NIPAL2: variants seen among roughly 807,000 people sequenced by gnomAD.
NIPAL2 encodes NIPA-like protein 2.
Under a neutral mutation model 48.9 loss-of-function variants are expected in NIPAL2, and 43 were observed. The observed-to-expected ratio is 0.88, with a 90% confidence interval of 0.69 to 1.13. NIPAL2 has a LOEUF of 1.13. Ranked by LOEUF, NIPAL2 falls within the 50% of genes most tolerant of loss-of-function variation. The pLI is 0.00. For synonymous variants in NIPAL2, 167 were observed against 174.6 expected (o/e 0.96, Z 0.34); for missense variants, 446 against 461.4 (o/e 0.97, Z 0.31).
chr8:98,217,861 T>C (rs995645280), intron 5 of NIPAL2, among the ~76,000 whole-genome samples: 1 of 152,266 alleles, frequency 6.6e-6, no homozygotes, highest in South Asian at 2.1e-4. Flanking sequence ...TTTTCAGATA[T>C]ATGGGTTTCT....
intron 8 of NIPAL2, among the ~76,000 whole-genome samples, chr8:98,202,482 CT>C (rs1384096360): frequency 4.6e-5 from 7 of 152,120 alleles, no homozygotes; most frequent in Non-Finnish European, 8.8e-5. Flanking sequence ...AGGGTGGATC[CT>C]TCACGAATGG....
rs1460544869 is a variant in NIPAL2, at chr8:98,264,806, G to A, written c.136-10719C>T. On this transcript the variant is annotated intron_variant, in intron 1 of 10. Transcript: ENST00000430223. ...TTTAAAGTTCATATGGAACCAAAAA[G>A]GAGCCTGCATTGCCAAGTCAATCCT... Among the ~76,000 whole-genome samples the A allele has an allele frequency of 2.6e-5, 4 of 152,218 alleles. No individual in the cohort carries two copies. The East Asian group carries it at 7.7e-4, about 29-fold the overall frequency.
At chr8:98,277,053 A>T (rs1454804525) in intron 1 of NIPAL2, among the ~76,000 whole-genome samples, 2 of 84,714 alleles carry the variant, frequency 2.4e-5, no homozygotes, top group Non-Finnish European at 6.0e-5. Flanking sequence ...TACAGGCGTG[A>T]GCCAGTATAC....
At chr8:98,289,655 G>A (rs1030279792) in intron 1 of NIPAL2, among the ~76,000 whole-genome samples, 63 of 151,816 alleles carry the variant, frequency 4.1e-4, no homozygotes, top group African/African-American at 1.4e-3. Flanking sequence ...TTGGCTTCTT[G>A]CTGCCTTATA....
At chr8:98,266,129 T>G (rs1449761002) in intron 1 of NIPAL2, among the ~76,000 whole-genome samples, 9 of 89,312 alleles carry the variant, frequency 1.0e-4, no homozygotes, top group Middle Eastern at 8.2e-3. Flanking sequence ...CTGGGGACTG[T>G]TGTGGGGTGG....
At chr8:98,210,157 TTTAA>T (rs1187091837) in intron 6 of NIPAL2, among the ~76,000 whole-genome samples, 1 of 152,098 alleles carries the variant, frequency 6.6e-6, no homozygotes. Context: ...TTTAATTAAT[TTTAA>T]TTAATTCTTT....
At position 98,294,152 on chromosome 8, in the gene NIPAL2, G is replaced by C; in HGVS notation, c.-15C>G. On this transcript the variant is annotated 5_prime_UTR_variant, in exon 1 of 11. Transcript: ENST00000430223. The stretch of plus-strand genomic sequence containing the variant: ...ACCGCTGCCATGAGGTCTCGCTCCC[G>C]GCGCTCGGGCTCCGGCTCGGGCTGC... The C allele has an allele frequency of 1.5e-6, 2 of 1,373,054 alleles. No homozygotes were observed. Among genetic ancestry groups the C allele is most frequent in the East Asian group, 6.3e-5 (2 of 31,950 alleles). 85.1% of individuals were successfully genotyped at this position (1,373,054 alleles called of 1,614,324 possible). A position where few individuals can be genotyped will look rare whatever the true frequency, so the allele number is the denominator to read the frequency against.
chr8:98,286,982 G>A (rs1816215641), intron 1 of NIPAL2, among the ~76,000 whole-genome samples: 1 of 152,066 alleles, frequency 6.6e-6, no homozygotes, highest in East Asian at 1.9e-4. Flanking sequence ...CGCTTTGGTG[G>A]GCCATGACAG....
chr8:98,211,530 G>A (rs2443575), intron 6 of NIPAL2, among the ~76,000 whole-genome samples: 148,736 of 152,342 alleles, frequency 0.98, 72,729 homozygotes, highest in African/African-American at 1. Flanking sequence ...CCAGCACCTC[G>A]TTAACATGGA....
intron 1 of NIPAL2, among the ~76,000 whole-genome samples, chr8:98,263,811 G>A (rs1367668604): frequency 2.1e-4 from 2 of 9,618 alleles, no homozygotes; most frequent in Admixed American, 1.7e-3. Flanking sequence ...CCAAAGCCAG[G>A]CAGAGACACA....
At chr8:98,229,529 T>C (rs908644179) in intron 4 of NIPAL2, among the ~76,000 whole-genome samples, 2 of 152,144 alleles carry the variant, frequency 1.3e-5, no homozygotes, top group Non-Finnish European at 2.9e-5. Flanking sequence ...TGTGCCACCA[T>C]GACTGGCTAA....
intron 5 of NIPAL2, chr8:98,217,410 A>T (rs1262820909): frequency 9.7e-6 from 9 of 926,816 alleles, no homozygotes; most frequent in Non-Finnish European, 1.2e-5. Flanking sequence ...AAGTTATTTG[A>T]TCAGTCCCGA....
chr8:98,252,355 C>T, intron 3 of NIPAL2, 108 bp downstream of exon 3: 1 of 1,054,602 alleles, frequency 9.5e-7, no homozygotes, highest in Non-Finnish European at 1.3e-6. Context: ...TGATAAGAAA[C>T]CAGGCAATAG....
intron 1 of NIPAL2, among the ~76,000 whole-genome samples, chr8:98,279,616 A>G (rs1332416544): frequency 6.6e-6 from 1 of 152,228 alleles, no homozygotes; most frequent in African/African-American, 2.4e-5. Flanking sequence ...CCAAATTTTG[A>G]GCCCAAGGCA....
intron 1 of NIPAL2, among the ~76,000 whole-genome samples, chr8:98,283,728 G>A (rs183139367): frequency 7.4e-4 from 112 of 152,238 alleles, no homozygotes; most frequent in Admixed American, 6.2e-3. Flanking sequence ...CTGGGTTTCC[G>A]GAGTGCATAC....
intron 1 of NIPAL2, among the ~76,000 whole-genome samples, chr8:98,285,557 A>C (rs967836107): frequency 1.3e-5 from 2 of 152,196 alleles, no homozygotes; most frequent in Non-Finnish European, 2.9e-5. Flanking sequence ...AGTGGAACCA[A>C]CAACCCTGAA....
chr8:98,272,890 C>T (rs1294208960), intron 1 of NIPAL2, among the ~76,000 whole-genome samples: 1 of 151,950 alleles, frequency 6.6e-6, no homozygotes, highest in Non-Finnish European at 1.5e-5. Flanking sequence ...CTTATTTTTT[C>T]CAGGAATATT....
At chr8:98,222,454 A>G in intron 5 of NIPAL2, 25 bp downstream of exon 5, 1 of 1,609,762 alleles carries the variant, frequency 6.2e-7, no homozygotes, top group Middle Eastern at 1.7e-4. Flanking sequence ...AGCTTCGGGG[A>G]TAGTAAAATA....
intron 3 of NIPAL2, among the ~76,000 whole-genome samples, chr8:98,240,910 T>C (rs1339660604): frequency 6.6e-6 from 1 of 152,098 alleles, no homozygotes; most frequent in Admixed American, 6.5e-5. Context: ...ATACAGCACA[T>C]GTTAATGTGC....
Sources: allele counts gnomAD v4.1 joint callset (sites outside exome capture counted in the v4.1 genomes callset), GRCh38; gene constraint gnomAD v4.1.1; transcripts MANE v1.5; gene names NCBI Gene and HGNC (gene_info 2026-07-23, HGNC 2026-07-21).